Variants in MAST4 observed in about 807,000 individuals in gnomAD.
The protein encoded by MAST4 is microtubule associated serine/threonine kinase family member 4.
A neutral mutation model predicts 162.7 loss-of-function variants in MAST4; 89 were observed. The ratio of observed to expected loss-of-function variants is 0.55; its 90% CI spans 0.46 to 0.65. The LOEUF is 0.65. Among genes scored for constraint, MAST4 ranks in the 30% least tolerant of loss-of-function variants. The pLI, the probability that MAST4 is intolerant of heterozygous loss-of-function variation, is 0.00. For missense variants in MAST4, 3,153 were observed against 3,374.0 expected (o/e 0.93, Z 1.62); for synonymous variants, 1,479 against 1,361.1 (o/e 1.09, Z -1.91).
chr5:66,904,993 G>A (rs907360193), intron 4 of MAST4, among the ~76,000 whole-genome samples: 22 of 151,956 alleles, frequency 1.4e-4, no homozygotes, highest in African/African-American at 5.1e-4. Flanking sequence ...CCACACACAT[G>A]CTTTAAGGAT....
In MAST4 at chr5:66,609,709, T is replaced by G. The variant is rs201847400; in HGVS notation, c.363+12691T>G. 3.9e-4 allele frequency among the ~76,000 whole-genome samples: 57 copies of G among 145,990 alleles called. 1 individual carries two copies. Among genetic ancestry groups the G allele is most frequent in the African/African-American group, 7.0e-4 (28 of 40,024 alleles). On this transcript the variant is annotated intron_variant, in intron 1 of 28. Transcript: ENST00000403625. ...GCCTGGTGTTTTTTTTTTTTTGTTT[T>G]TTTTTTTTTGTTTTGTTTTTAAAAC...
chr5:66,929,431 A>G (rs2081131), intron 4 of MAST4, among the ~76,000 whole-genome samples: 7,507 of 152,208 alleles, frequency 0.049, 554 homozygotes, highest in African/African-American at 0.17. Flanking sequence ...TCATATGTCA[A>G]TCAGTCTCCT....
chr5:66,722,785 G>C (rs1254695542), intron 1 of MAST4, among the ~76,000 whole-genome samples: 1 of 152,152 alleles, frequency 6.6e-6, no homozygotes, highest in African/African-American at 2.4e-5. Context: ...AGTGGAGAGA[G>C]ATGACTGGTT....
chr5:66,658,540 C>T (rs1230968375), intron 1 of MAST4, among the ~76,000 whole-genome samples: 1 of 152,082 alleles, frequency 6.6e-6, no homozygotes, highest in Non-Finnish European at 1.5e-5. Flanking sequence ...AAAAGAATAA[C>T]CAGTATTGTT....
chr5:66,628,340 C>CA lies in MAST4; in HGVS notation c.363+31322_363+31323insA, dbSNP rs531563219. Among the ~76,000 whole-genome samples the CA allele has an allele frequency of 4.0e-3, 550 of 136,204 alleles. 4 individuals carry two copies. The highest frequency in any genetic ancestry group is 0.014 in the African/African-American group (525 of 36,986). 89.4% of individuals were successfully genotyped at this position (136,204 alleles called of 152,430 possible). A position where few individuals can be genotyped will look rare whatever the true frequency, so the allele number is the denominator to read the frequency against. ...TGAGCCACGGTGCCTGACTTTTTTT[C>CA]TTTTTTTTTTTTTTTTAAGTAGGCT... On this transcript the variant is annotated intron_variant, in intron 1 of 28. Transcript: ENST00000403625.
intron 11 of MAST4, among the ~76,000 whole-genome samples, chr5:67,113,627 A>G (rs6894518): frequency 0.23 from 35,059 of 152,054 alleles, 4,494 homozygotes; most frequent in African/African-American, 0.35. Flanking sequence ...GGATACGTCT[A>G]TATTAAGAGA....
At chr5:66,694,277 A>C (rs1203866470) in intron 1 of MAST4, among the ~76,000 whole-genome samples, 1 of 152,148 alleles carries the variant, frequency 6.6e-6, no homozygotes, top group African/African-American at 2.4e-5. Context: ...TTGGCATGAG[A>C]AGCCAGTAAA....
intron 4 of MAST4, among the ~76,000 whole-genome samples, chr5:66,957,146 A>G (rs763529443): frequency 1.3e-5 from 2 of 152,142 alleles, no homozygotes; most frequent in Non-Finnish European, 2.9e-5. Flanking sequence ...TAATATTCTA[A>G]TGTGTTTCCT....
chr5:66,650,784 C>T (rs1436596433), intron 1 of MAST4, among the ~76,000 whole-genome samples: 1 of 152,168 alleles, frequency 6.6e-6, no homozygotes, highest in Non-Finnish European at 1.5e-5. Flanking sequence ...ATGGAATACT[C>T]CACTTTAATA....
At chr5:67,033,315 CTGTGTGTGTGTG>C (rs146627241) in intron 4 of MAST4, among the ~76,000 whole-genome samples, 2 of 125,992 alleles carry the variant, frequency 1.6e-5, no homozygotes, top group East Asian at 4.4e-4. Flanking sequence ...TTTCATTTCT[CTGTGTGTGTGTG>C]TGTGTGTGTG....
At chr5:67,009,615 C>T (rs1752436242) in intron 4 of MAST4, among the ~76,000 whole-genome samples, 1 of 152,188 alleles carries the variant, frequency 6.6e-6, no homozygotes, top group African/African-American at 2.4e-5. Flanking sequence ...AATGAAATGA[C>T]TGGCATGTAA....
intron 2 of MAST4, among the ~76,000 whole-genome samples, chr5:66,780,475 G>A (rs1423982109): frequency 3.3e-5 from 5 of 152,138 alleles, no homozygotes; most frequent in African/African-American, 1.2e-4. Context: ...GTGGGCTCGT[G>A]GTCTCGCTGA....
intron 5 of MAST4, among the ~76,000 whole-genome samples, chr5:67,064,059 T>G (rs1195820443): frequency 6.6e-6 from 1 of 152,202 alleles, no homozygotes; most frequent in Non-Finnish European, 1.5e-5. Context: ...GGTCTGAAAC[T>G]CAGAGGTTGC....
chr5:66,666,853 G>A (rs1747292505), intron 1 of MAST4, among the ~76,000 whole-genome samples: 1 of 152,178 alleles, frequency 6.6e-6, no homozygotes, highest in African/African-American at 2.4e-5. Context: ...CTAGTAAAGG[G>A]GCCAGGTGAG....
Position 66,899,992 on chromosome 5 carries a change from A to G in MAST4, c.674+10A>G. ...CCAGAAGAGGAAGTTTGTAAGTAGT[A>G]GTATTTTGTTTCCTTGTTTTCTTTT... On this transcript the variant is annotated intron_variant, in intron 4 of 28. Transcript: ENST00000403625. 1 of 1,503,560 alleles carries G rather than the reference A, an allele frequency of 6.7e-7. No homozygotes were observed. Among genetic ancestry groups the G allele is most frequent in the Admixed American group, 2.4e-5 (1 of 41,970 alleles). The allele number at this position is 1,503,560 out of a possible 1,614,324, so 93.1% of individuals were successfully genotyped here.
chr5:67,051,062 T>G (rs1758117854), intron 4 of MAST4, among the ~76,000 whole-genome samples: 1 of 152,174 alleles, frequency 6.6e-6, no homozygotes, highest in African/African-American at 2.4e-5. Context: ...GAGATAACTC[T>G]TTACAAGCTC....
At chr5:67,023,230 C>T (rs1188542078) in intron 4 of MAST4, among the ~76,000 whole-genome samples, 5 of 152,108 alleles carry the variant, frequency 3.3e-5, no homozygotes, top group Non-Finnish European at 7.4e-5. Flanking sequence ...TTAGCTTCAA[C>T]CCACATTAAG....
chr5:66,733,604 C>T (rs983982980), intron 1 of MAST4, among the ~76,000 whole-genome samples: 3 of 152,036 alleles, frequency 2.0e-5, no homozygotes, highest in Admixed American at 6.5e-5. Context: ...ATTACAGGCG[C>T]CCGCCACCAC....
At chr5:67,043,738 A>G (rs112857025) in intron 4 of MAST4, among the ~76,000 whole-genome samples, 272 of 152,378 alleles carry the variant, frequency 1.8e-3, no homozygotes, top group African/African-American at 6.3e-3. Context: ...CAACTTGTTT[A>G]TGTCACACAC....
Sources: gnomAD v4.1 joint callset for allele counts (sites outside exome capture counted in the v4.1 genomes callset) on GRCh38, gnomAD v4.1.1 for gene constraint, MANE v1.5 for transcripts, NCBI Gene and HGNC (gene_info 2026-07-23, HGNC 2026-07-21) for gene names.